The following PTPN23 variants were observed in gnomAD, a reference collection of about 807,000 sequenced individuals.
PTPN23 encodes the protein protein tyrosine phosphatase non-receptor type 23, also known as tyrosine-protein phosphatase non-receptor type 23.
Under a neutral mutation model 156.3 loss-of-function variants are expected in PTPN23, and 72 were observed. The observed-to-expected ratio is 0.46, with a 90% CI of 0.38 to 0.56. PTPN23 has a LOEUF of 0.56. Ranked by LOEUF, PTPN23 falls within the 20% of genes least tolerant of loss-of-function variation. PTPN23 has a pLI of 0.00. For synonymous variants in PTPN23, 957 were observed against 899.6 expected (o/e 1.06, Z -1.14); for missense variants, 1,974 against 2,171.5 (o/e 0.91, Z 1.81).
At chr3:47,408,154 C>T (rs1451896993) in intron 14 of PTPN23, among the ~76,000 whole-genome samples, 191 bp from the exon 15 acceptor site, 3 of 152,158 alleles carry the variant, frequency 2.0e-5, no homozygotes, top group East Asian at 1.9e-4. Flanking sequence ...GCCTTCTGTT[C>T]CACTGTTTCC....
intron 1 of PTPN23, among the ~76,000 whole-genome samples, chr3:47,383,361 C>T (rs1704588239): frequency 6.6e-6 from 1 of 152,198 alleles, no homozygotes; most frequent in South Asian, 2.1e-4. Context: ...TACTTAAGCT[C>T]TCCTTTCTGC....
In PTPN23 at chr3:47,409,336, G is replaced by A. The variant is rs1271832975; in HGVS notation, c.1797+19G>A. 3 of 1,613,526 alleles carry A rather than the reference G, an allele frequency of 1.9e-6. No homozygotes were observed. In the Admixed American group the frequency reaches 5.0e-5, roughly 27 times the overall value. On this transcript the variant is annotated intron_variant, in intron 17 of 24. Transcript: ENST00000265562. ...GATGAAGGTGGGCTGGGTGAGCAGG[G>A]TAGAGGGGCTCTGGCTCCGGGCCCC... is the stretch of plus-strand genomic sequence containing the variant.
chr3:47,394,071 T>C (rs1704829933), intron 1 of PTPN23, among the ~76,000 whole-genome samples: 1 of 152,020 alleles, frequency 6.6e-6, no homozygotes. Context: ...TCTAGAATAG[T>C]CCACTGCTCA....
In PTPN23 at chr3:47,405,457, G is replaced by A. The variant is rs1341105739; in HGVS notation, c.365-292G>A. The A allele has an allele frequency of 1.8e-5, 10 of 544,952 alleles. No homozygotes were observed. The Admixed American group carries it at 2.6e-4, about 14-fold the overall frequency. 33.8% of individuals were successfully genotyped at this position (544,952 alleles called of 1,614,324 possible). On this transcript the variant is annotated intron_variant, in intron 4 of 24. Transcript: ENST00000265562. This position sits in a 1 kb window ranked among gnomAD's most constrained non-coding sequence, Gnocchi z 4.7. ...GCTAGTCAGCCTTAGCCTGGCTCAA[G>A]GGAGAAGCTTGGGGAGCCCCAGAGT...
In PTPN23 at chr3:47,409,688, G is replaced by C; in HGVS notation, c.1983G>C (p.Ser661=). Residue 661 remains serine, a synonymous_variant, in exon 19 of 25, where the codon TCG becomes TCC. Transcript: ENST00000265562. ...WNSTLQTLVA[S]YEAYEDLMKK... ...CCACGCTGCAGACCCTGGTGGCCTC[G>C]TATGAAGCCTATGAGGACCTGATGA... is the stretch of plus-strand genomic sequence containing the variant. 6.2e-7 allele frequency: 1 copy of C among 1,610,072 alleles called. No homozygotes were observed. The highest frequency in any genetic ancestry group is 2.2e-5 in the East Asian group (1 of 44,866).
Position 47,404,645 on chromosome 3 carries a change from C to T in PTPN23, c.160-7C>T, listed in dbSNP as rs760842325. ...AACAGGCCTGCTTCTCCCATCCTGC[C>T]CCCCAGAATGCTGTCCGTGTCCCAC... On this transcript the variant is annotated splice_polypyrimidine_tract_variant and splice_region_variant and intron_variant, in intron 2 of 24. Coordinates refer to ENST00000265562, the MANE Select transcript of PTPN23 (RefSeq NM_015466.4). 6.2e-7 allele frequency: 1 copy of T among 1,613,242 alleles called. No homozygotes were observed. Among genetic ancestry groups the T allele is most frequent in the Non-Finnish European group, 8.5e-7 (1 of 1,179,438 alleles).
At position 47,411,330 on chromosome 3, in the gene PTPN23, C is replaced by G; in HGVS notation, c.3532C>G (p.Leu1178Val). ...PERLRQLQQE[L>V]EAFRGQLGDV... ...GAGGCTGCGGCAGTTGCAGCAGGAG[C>G]TGGAGGCCTTTCGGGGTCAGCTGGG... Residue 1178 changes from leucine to valine, a missense_variant, in exon 20 of 25, where the codon CTG (leucine) becomes GTG (valine). Leu to Val is a conservative substitution (Grantham distance 32). Coordinates refer to ENST00000265562, the MANE Select transcript of PTPN23 (RefSeq NM_015466.4). This position sits in a 1 kb window ranked among gnomAD's most constrained non-coding sequence, Gnocchi z 6.3. 6.2e-7 allele frequency: 1 copy of G among 1,612,850 alleles called. No individual in the cohort carries two copies. Among genetic ancestry groups the G allele is most frequent in the South Asian group, 1.1e-5 (1 of 91,082 alleles).
Position 47,413,414 on chromosome 3 carries a change from T to A in PTPN23, c.*229T>A. 1.7e-6 allele frequency: 1 copy of A among 590,872 alleles called. No homozygotes were observed. The highest frequency in any genetic ancestry group is 2.9e-6 in the Non-Finnish European group (1 of 346,392). 36.6% of individuals were successfully genotyped at this position (590,872 alleles called of 1,614,324 possible). A position where few individuals can be genotyped will look rare whatever the true frequency, so the allele number is the denominator to read the frequency against. On this transcript the variant is annotated 3_prime_UTR_variant, in exon 25 of 25. Coordinates refer to ENST00000265562, the MANE Select transcript of PTPN23 (RefSeq NM_015466.4). Reference sequence around the variant, plus strand: ...ATTTTTCAGCTCTTTGCTATTGAAATAATAAACCACCCTGTTCTGTGGCCC... The same window carrying A: ...ATTTTTCAGCTCTTTGCTATTGAAAAAATAAACCACCCTGTTCTGTGGCCC...
intron 2 of PTPN23, among the ~76,000 whole-genome samples, chr3:47,399,085 G>A (rs571386126): frequency 6.6e-6 from 1 of 152,356 alleles, no homozygotes; most frequent in African/African-American, 2.4e-5. Context: ...GAAGCTTACA[G>A]CCGTGGAGGG....
In PTPN23 at chr3:47,408,897, C is replaced by G. The variant is rs752000747; in HGVS notation, c.1452C>G (p.Ser484=). The G allele has an allele frequency of 1.2e-6, 2 of 1,614,224 alleles. No individual in the cohort carries two copies. Residue 484 remains serine, a synonymous_variant, in exon 16 of 25, where the codon TCC becomes TCG. Coordinates refer to ENST00000265562, the MANE Select transcript of PTPN23 (RefSeq NM_015466.4). ...QEAVGQAGAI[S]ITSKAELAEV... The stretch of plus-strand genomic sequence containing the variant: ...CGGTGGGCCAGGCAGGGGCCATCTC[C>G]ATCACCTCCAAGGCTGAGCTGGCAG...
Position 47,405,924 on chromosome 3 carries a change from G to T in PTPN23, c.424G>T (p.Val142Phe), listed in dbSNP as rs147034860. ...DKRVSEEGMK[V>F]SCTHFQCAAG... ...TCCCACTCCCTCCCAGGGCATGAAGGTCTCCTGTACCCATTTCCAGTGCGC... is the reference window on the plus strand; with the variant it reads ...TCCCACTCCCTCCCAGGGCATGAAGTTCTCCTGTACCCATTTCCAGTGCGC... The change falls in exon 6 of 25, where the codon GTC (valine) becomes TTC (phenylalanine). Residue 142 changes from valine (V) to phenylalanine (F), a missense_variant. By Grantham distance (50) the Val-to-Phe change is conservative (BLOSUM62 -1). Around this residue, in one of 4 missense-constraint regions of PTPN23, gnomAD observed 726 missense variants for 929.5 expected, o/e 0.78. Transcript: ENST00000265562. The surrounding 1 kb of genome is among the most constrained non-coding windows in gnomAD (Gnocchi z 4.7). The T allele has an allele frequency of 2.0e-4, 315 of 1,613,816 alleles. No homozygotes were observed. The highest frequency in any genetic ancestry group is 2.5e-4 in the Non-Finnish European group (293 of 1,179,924).
At chr3:47,404,230 C>T (rs374446232) in intron 2 of PTPN23, among the ~76,000 whole-genome samples, 1 of 151,996 alleles carries the variant, frequency 6.6e-6, no homozygotes, top group Non-Finnish European at 1.5e-5. Flanking sequence ...GTCAAGTGTT[C>T]GAGACCAGCC....
rs1705365584 is a variant in PTPN23, at chr3:47,412,995, C to T, written c.4721C>T (p.Ser1574Phe). The change falls in exon 25 of 25, where the codon TCC (serine) becomes TTC (phenylalanine). Residue 1574 changes from serine (S) to phenylalanine (F), a missense_variant. Physicochemically the swap from Ser to Phe is radical, Grantham distance 155. This residue lies in a region of PTPN23 where 484 missense variants were observed against 516.0 expected (regional missense o/e 0.94). Transcript: ENST00000265562. ...VPEAPSSGPPSSSLELLASLT... is the reference protein window; with the variant it reads ...VPEAPSSGPPFSSLELLASLT... Reference sequence around the variant, plus strand: ...GAAGCCCCCAGCTCGGGGCCCCCCTCCTCCTCCCTGGAATTGCTGGCCTCC... The same window carrying T: ...GAAGCCCCCAGCTCGGGGCCCCCCTTCTCCTCCCTGGAATTGCTGGCCTCC... 8 of 1,612,146 alleles carry T rather than the reference C, an allele frequency of 5.0e-6. No individual in the cohort carries two copies. The highest frequency in any genetic ancestry group is 1.1e-5 in the South Asian group (1 of 91,024).
At position 47,412,438 on chromosome 3, in the gene PTPN23, A is replaced by G. The variant is rs901154302; in HGVS notation, c.4317+17A>G. ...CAGGAGAAGGTGAGGATCTGGGCAG[A>G]TGGGGCTGGGATGGGCCTTCTGTCC... On this transcript the variant is annotated intron_variant, in intron 23 of 24. Transcript: ENST00000265562. 128 of 1,612,376 alleles carry G rather than the reference A, an allele frequency of 7.9e-5. No homozygotes were observed. The highest frequency in any genetic ancestry group is 1.1e-4 in the Non-Finnish European group (125 of 1,179,542).
At chr3:47,386,694 G>T (rs1036312486) in intron 1 of PTPN23, among the ~76,000 whole-genome samples, 5 of 152,142 alleles carry the variant, frequency 3.3e-5, no homozygotes, top group African/African-American at 4.8e-5. Flanking sequence ...AGCAGTGAGG[G>T]GCATGGGACA....
In PTPN23 at chr3:47,410,657, C is replaced by G; in HGVS notation, c.2859C>G (p.Pro953=). ...GTTTTCCAGCCCCAAGGATTGGGCC[C>G]CAGCCCCAGCCCCATCCTCAGCCCC... ...PAGFPAPRIG[P]QPQPHPQPHP... The change falls in exon 20 of 25, where the codon CCC becomes CCG. Residue 953 remains proline (P), a synonymous_variant. Coordinates refer to ENST00000265562, the MANE Select transcript of PTPN23 (RefSeq NM_015466.4). 6.2e-7 allele frequency: 1 copy of G among 1,608,476 alleles called. No homozygotes were observed. The highest frequency in any genetic ancestry group is 8.5e-7 in the Non-Finnish European group (1 of 1,177,156).
At chr3:47,381,277 C>G (rs1472137140) in intron 1 of PTPN23, 97 bp downstream of exon 1, 3 of 1,494,230 alleles carry the variant, frequency 2.0e-6, no homozygotes, top group Non-Finnish European at 2.7e-6. Flanking sequence ...TCCTCAGGCC[C>G]GGTCGCAGGG....
At chr3:47,386,761 C>T (rs1704662378) in intron 1 of PTPN23, among the ~76,000 whole-genome samples, 1 of 152,170 alleles carries the variant, frequency 6.6e-6, no homozygotes, top group Non-Finnish European at 1.5e-5. Flanking sequence ...TTTGGAGTCA[C>T]CCAGTTGCCT....
rs1705055438 is a variant in PTPN23 at position 47,403,778 on chromosome 3, C to T, written c.160-874C>T. On this transcript the variant is annotated intron_variant, in intron 2 of 24. Coordinates refer to ENST00000265562, the MANE Select transcript of PTPN23 (RefSeq NM_015466.4). ...TCCTGGCCTCAAGCGATCCTCCCAC[C>T]TTGGCCTCCCAAAATGCTGGGACCA... Among the ~76,000 whole-genome samples the T allele has an allele frequency of 2.0e-5, 3 of 152,320 alleles. No homozygotes were observed. The South Asian group carries it at 6.2e-4, about 32-fold the overall frequency.
Sources: gnomAD v4.1 joint callset for allele counts (sites outside exome capture counted in the v4.1 genomes callset) on GRCh38, gnomAD v4.1.1 for gene constraint, gnomAD v4.1.1 regional missense constraint, Gnocchi (gnomAD v3.1) non-coding constraint, MANE v1.5 for transcripts, NCBI Gene and HGNC (gene_info 2026-07-23, HGNC 2026-07-21) for gene names.